Variants in ABI3 observed in about 807,000 individuals in gnomAD.
ABI3 encodes ABI family member 3.
In ABI3, 24 loss-of-function variants were observed where a neutral mutation model predicts 37.0. The observed-to-expected ratio is 0.65, with a 90% CI of 0.47 to 0.91. The LOEUF (loss-of-function observed/expected upper bound fraction) is 0.91, where lower values mean the gene tolerates loss of function less well. ABI3 is among the 40% of genes least tolerant of loss of function. The pLI, the probability that ABI3 is intolerant of heterozygous loss-of-function variation, is 0.00. For synonymous variants in ABI3, 220 were observed against 211.8 expected (o/e 1.04, Z -0.34); for missense variants, 481 against 485.1 (o/e 0.99, Z 0.08).
At chr17:49,221,457 C>T (rs879918756) in intron 6 of ABI3, among the ~76,000 whole-genome samples, 3 of 151,934 alleles carry the variant, frequency 2.0e-5, no homozygotes, top group African/African-American at 7.3e-5. Flanking sequence ...GGCGACACAG[C>T]GAGACTCGGT....
At position 49,219,695 on chromosome 17, in the gene ABI3, C is replaced by A; in HGVS notation, c.548+70C>A. On this transcript the variant is annotated intron_variant, in intron 4 of 7. Transcript: ENST00000225941. This position sits in a 1 kb window ranked among gnomAD's most constrained non-coding sequence, Gnocchi z 4.3. ...CGACCCTGAAACTCTCCTCCCCCAG[C>A]CTCGCCACCCACCCCTGGCGCCCCC... 1 of 1,472,978 alleles carries A rather than the reference C, an allele frequency of 6.8e-7. No individual in the cohort carries two copies. The highest frequency in any genetic ancestry group is 9.3e-7 in the Non-Finnish European group (1 of 1,080,982). The allele number at this position is 1,472,978 out of a possible 1,614,324, so 91.2% of individuals were successfully genotyped here.
chr17:49,217,496 A>T (rs2043231356), intron 2 of ABI3, among the ~76,000 whole-genome samples: 2 of 151,010 alleles, frequency 1.3e-5, no homozygotes, highest in South Asian at 4.2e-4. Context: ...GTTCCTGCAC[A>T]GCTAATAATA....
intron 6 of ABI3, among the ~76,000 whole-genome samples, chr17:49,220,847 A>AATAATG (rs1158059633): frequency 0.025 from 192 of 7,706 alleles, 1 homozygote; most frequent in Middle Eastern, 0.056. Context: ...TCCATCTCAA[A>AATAATG]ATAATAATAA....
At chr17:49,221,253 G>C (rs373790400) in intron 6 of ABI3, among the ~76,000 whole-genome samples, 1 of 151,810 alleles carries the variant, frequency 6.6e-6, no homozygotes, top group Non-Finnish European at 1.5e-5. Flanking sequence ...GGCGGATCAC[G>C]AGGTCAGGAG....
chr17:49,219,603 A>AT lies in ABI3; in HGVS notation c.526_527insT (p.Thr176IlefsTer112), dbSNP rs1368247320. On this transcript the variant is annotated frameshift_variant, in exon 4 of 8. Coordinates refer to ENST00000225941, the MANE Select transcript of ABI3 (RefSeq NM_016428.3). LOFTEE classifies it high-confidence loss of function. The surrounding 1 kb of genome is among the most constrained non-coding windows in gnomAD (Gnocchi z 4.3). ...TCGAAAGAGCATCAAGGCCCCTGCC[A>AT]CACCCGCCTCCGCCACCTTGGGGTG... The AT allele has an allele frequency of 6.2e-7, 1 of 1,604,904 alleles. No individual in the cohort carries two copies. Among genetic ancestry groups the AT allele is most frequent in the South Asian group, 1.1e-5 (1 of 89,728 alleles).
At position 49,219,690 on chromosome 17, in the gene ABI3, C is replaced by G. The variant is rs977778049; in HGVS notation, c.548+65C>G. 4.0e-6 allele frequency: 6 copies of G among 1,483,606 alleles called. No individual in the cohort carries two copies. The highest frequency in any genetic ancestry group is 5.5e-6 in the Non-Finnish European group (6 of 1,089,752). 91.9% of individuals were successfully genotyped at this position (1,483,606 alleles called of 1,614,324 possible). ...CCGCGCGACCCTGAAACTCTCCTCC[C>G]CCAGCCTCGCCACCCACCCCTGGCG... On this transcript the variant is annotated intron_variant, in intron 4 of 7. Transcript: ENST00000225941. This position sits in a 1 kb window ranked among gnomAD's most constrained non-coding sequence, Gnocchi z 4.3.
Position 49,219,670 on chromosome 17 carries a change from C to G in ABI3, c.548+45C>G, listed in dbSNP as rs114344847. 4.4e-4 allele frequency: 676 copies of G among 1,531,428 alleles called. 5 individuals are homozygous for G. In the African/African-American group the frequency reaches 8.4e-3, roughly 19 times the overall value. The allele number at this position is 1,531,428 out of a possible 1,614,324, so 94.9% of individuals were successfully genotyped here. On this transcript the variant is annotated intron_variant, in intron 4 of 7. Coordinates refer to ENST00000225941, the MANE Select transcript of ABI3 (RefSeq NM_016428.3). This position sits in a 1 kb window ranked among gnomAD's most constrained non-coding sequence, Gnocchi z 4.3. Reference sequence around the variant, plus strand: ...CCAACTAGCCTAGCCCTGCCCCGCGCGACCCTGAAACTCTCCTCCCCCAGC... The same window carrying G: ...CCAACTAGCCTAGCCCTGCCCCGCGGGACCCTGAAACTCTCCTCCCCCAGC...
At chr17:49,222,299 T>C in intron 7 of ABI3, 74 bp downstream of exon 7, 2 of 1,544,368 alleles carry the variant, frequency 1.3e-6, no homozygotes, top group African/African-American at 1.4e-5. Context: ...CTCCTCCCTC[T>C]GCAAAGGTGT....
chr17:49,216,386 C>A, intron 1 of ABI3, 145 bp from the exon 2 acceptor site: 1 of 641,440 alleles, frequency 1.6e-6, no homozygotes, highest in South Asian at 4.4e-5. Flanking sequence ...CATCATTCTG[C>A]TGGGAGCCAC....
rs538976826 is a variant in ABI3 at position 49,211,428 on chromosome 17, C to T, written c.117+587C>T. ...CAGATAGGGAGGTGGCATTGTAGAACAGGTTTTAAATTGTGTGGTTGTCCT... is the reference window on the plus strand; with the variant it reads ...CAGATAGGGAGGTGGCATTGTAGAATAGGTTTTAAATTGTGTGGTTGTCCT... On this transcript the variant is annotated intron_variant, in intron 1 of 7. Coordinates refer to ENST00000225941, the MANE Select transcript of ABI3 (RefSeq NM_016428.3). Among the ~76,000 whole-genome samples the T allele has an allele frequency of 4.6e-5, 7 of 152,258 alleles. No individual in the cohort carries two copies. The East Asian group carries it at 5.8e-4, about 13-fold the overall frequency.
At chr17:49,212,884 G>T (rs2043183029) in intron 1 of ABI3, among the ~76,000 whole-genome samples, 1 of 152,196 alleles carries the variant, frequency 6.6e-6, no homozygotes, top group African/African-American at 2.4e-5. Context: ...GCATGGAAAG[G>T]CATGTTTCCT....
chr17:49,215,494 C>T (rs2143520075), intron 1 of ABI3, among the ~76,000 whole-genome samples: 1 of 148,650 alleles, frequency 6.7e-6, no homozygotes, highest in African/African-American at 2.5e-5. Context: ...ACATGGAAAG[C>T]TTTTTTTTTT....
In ABI3 at chr17:49,219,663, C is replaced by A. The variant is rs758454467; in HGVS notation, c.548+38C>A. On this transcript the variant is annotated intron_variant, in intron 4 of 7. Coordinates refer to ENST00000225941, the MANE Select transcript of ABI3 (RefSeq NM_016428.3). The surrounding 1 kb of genome is among the most constrained non-coding windows in gnomAD (Gnocchi z 4.3). ...CGCGACGCCAACTAGCCTAGCCCTG[C>A]CCCGCGCGACCCTGAAACTCTCCTC... 1.3e-6 allele frequency: 2 copies of A among 1,538,544 alleles called. No individual in the cohort carries two copies. The highest frequency in any genetic ancestry group is 2.4e-5 in the South Asian group (2 of 84,614).
intron 6 of ABI3, 32 bp downstream of exon 6, chr17:49,220,358 T>C (rs1314894670): frequency 1.3e-6 from 2 of 1,537,382 alleles, no homozygotes; most frequent in African/African-American, 1.4e-5. Context: ...TTCCCAACCG[T>C]GGGGTCGCTT....
At chr17:49,216,943 AT>A (rs2043225228) in intron 2 of ABI3, among the ~76,000 whole-genome samples, 1 of 152,154 alleles carries the variant, frequency 6.6e-6, no homozygotes, top group Non-Finnish European at 1.5e-5. Context: ...AGAAAGTGTT[AT>A]CTACCAATCA....
chr17:49,217,826 A>G lies in ABI3; in HGVS notation c.373A>G (p.Ile125Val). Residue 125 changes from isoleucine to valine, a missense_variant, in exon 3 of 8, where the codon ATC (isoleucine) becomes GTC (valine). Ile to Val is a conservative substitution (Grantham distance 29). Transcript: ENST00000225941. ...VQRLPPGQKV[I>V]APENLPPLTP... The stretch of plus-strand genomic sequence containing the variant: ...GCGGCTGCCCCCCGGCCAGAAGGTC[A>G]TCGCCCCAGAGAACCTACCCCCTCT... 1.2e-6 allele frequency: 2 copies of G among 1,610,634 alleles called. No homozygotes were observed. The highest frequency in any genetic ancestry group is 1.7e-6 in the Non-Finnish European group (2 of 1,178,518).
chr17:49,216,721 A>C, intron 2 of ABI3, 23 bp downstream of exon 2: 6 of 1,469,274 alleles, frequency 4.1e-6, no homozygotes, highest in Non-Finnish European at 5.4e-6. Flanking sequence ...GGGCGTGGGA[A>C]GGCATCTTGT....
At chr17:49,222,405 G>A in intron 7 of ABI3, 147 bp from the exon 8 acceptor site, 3 of 1,347,928 alleles carry the variant, frequency 2.2e-6, no homozygotes, top group Non-Finnish European at 2.0e-6. Context: ...AACTAAGCTG[G>A]GGAGGGGTCC....
intron 3 of ABI3, among the ~76,000 whole-genome samples, chr17:49,218,873 A>C (rs1432551483): frequency 6.8e-6 from 1 of 147,406 alleles, no homozygotes; most frequent in Non-Finnish European, 1.5e-5. Context: ...TGCCTGAGCC[A>C]CCCAAAGTTC....
Sources: allele counts gnomAD v4.1 joint callset (sites outside exome capture counted in the v4.1 genomes callset), GRCh38; gene constraint gnomAD v4.1.1; non-coding constraint Gnocchi (gnomAD v3.1); transcripts MANE v1.5; gene names NCBI Gene and HGNC (gene_info 2026-07-23, HGNC 2026-07-21).